ZP3: variants seen among roughly 807,000 people sequenced by gnomAD.
ZP3 encodes zona pellucida glycoprotein 3.
Under a neutral mutation model 35.6 loss-of-function variants are expected in ZP3, and 21 were observed. The ratio of observed to expected loss-of-function variants is 0.59; its 90% confidence interval spans 0.42 to 0.85. The LOEUF (loss-of-function observed/expected upper bound fraction) is 0.85. ZP3 is among the 40% of genes least tolerant of loss of function. The pLI is 0.00. For synonymous variants in ZP3, 207 were observed against 214.5 expected (o/e 0.96, Z 0.31); for missense variants, 437 against 536.5 (o/e 0.81, Z 1.83).
intron 1 of ZP3, among the ~76,000 whole-genome samples, chr7:76,398,307 C>CTT (rs1309414426): frequency 2.3e-5 from 3 of 132,780 alleles, no homozygotes; most frequent in Non-Finnish European, 4.9e-5. Context: ...CATTCATTTT[C>CTT]TATTTTTTTT....
At chr7:76,423,333 G>C (rs1805571189), upstream of ZP3, among the ~76,000 whole-genome samples, 1 of 152,122 alleles carries the variant, frequency 6.6e-6, no homozygotes, top group South Asian at 2.1e-4. Context: ...TTTACATCAG[G>C]GATAGGGCAT....
intron 5 of ZP3, among the ~76,000 whole-genome samples, chr7:76,434,589 G>C (rs1215036346): frequency 1.5e-5 from 2 of 135,532 alleles, no homozygotes. Context: ...AGTGAGCAGA[G>C]ATTGTGCCAC....
chr7:76,415,376 A>AAAAAAT (rs1805344743), intron 1 of ZP3, among the ~76,000 whole-genome samples: 1 of 150,534 alleles, frequency 6.6e-6, no homozygotes, highest in Non-Finnish European at 1.5e-5. Context: ...AAAAAAAAAA[A>AAAAAAT]AAAGGTCTGG....
intron 1 of ZP3, among the ~76,000 whole-genome samples, chr7:76,405,271 TTATATATATATA>T (rs1171830870): frequency 0.045 from 414 of 9,126 alleles, 34 homozygotes; most frequent in African/African-American, 0.091. Context: ...ACCCAGCTAA[TTATATATATATA>T]TATATATATA....
intron 1 of ZP3, chr7:76,397,941 C>T: frequency 2.7e-6 from 3 of 1,124,716 alleles, no homozygotes; most frequent in South Asian, 1.7e-5. Context: ...GGCATCTGCT[C>T]ACCCCGCTGC....
intron 7 of ZP3, 87 bp downstream of exon 7, chr7:76,440,698 C>A: frequency 6.5e-7 from 1 of 1,534,034 alleles, no homozygotes; most frequent in South Asian, 1.3e-5. Context: ...TGGTATTTTC[C>A]CTTGTCCTCC....
chr7:76,423,081 A>AAGAAAGAG, upstream of ZP3, among the ~76,000 whole-genome samples: 1 of 142,458 alleles, frequency 7.0e-6, no homozygotes, highest in Non-Finnish European at 1.5e-5. Context: ...GAAAGAAAGA[A>AAGAAAGAG]AGAAAAGAAA....
At chr7:76,432,311 C>CAGT (rs1805855266) in intron 2 of ZP3, among the ~76,000 whole-genome samples, 1 of 152,046 alleles carries the variant, frequency 6.6e-6, no homozygotes, top group South Asian at 2.1e-4. Context: ...GCCTCAGCCT[C>CAGT]CCAAGTAGCT....
In ZP3 at chr7:76,432,883, G is replaced by C. The variant is rs779378156; in HGVS notation, c.432-44G>C. On this transcript the variant is annotated intron_variant, in intron 2 of 7. Transcript: ENST00000394857. ...TCCCCATCAGTGGGGGCCCAGGTGG[G>C]TGTGACCTGAGGCAGGTGTGCACAG... The C allele has an allele frequency of 2.6e-6, 4 of 1,554,008 alleles. No individual in the cohort carries two copies. The African/African-American group carries it at 4.1e-5, about 16-fold the overall frequency.
intron 2 of ZP3, among the ~76,000 whole-genome samples, chr7:76,430,149 G>T (rs1805784900): frequency 1.3e-5 from 2 of 152,152 alleles, no homozygotes; most frequent in African/African-American, 4.8e-5. Context: ...GGCAGAGGCT[G>T]CAGTGAGCCG....
At chr7:76,411,610 C>T (rs1227783188) in intron 1 of ZP3, among the ~76,000 whole-genome samples, 3 of 151,820 alleles carry the variant, frequency 2.0e-5, no homozygotes, top group Admixed American at 6.6e-5. Flanking sequence ...TGCCACCCAC[C>T]TATGAGAATG....
chr7:76,432,881 G>A (rs756903424), intron 2 of ZP3, 46 bp from the exon 3 acceptor site: 71 of 1,534,510 alleles, frequency 4.6e-5, no homozygotes, highest in Non-Finnish European at 5.8e-5. Flanking sequence ...GGGCCCAGGT[G>A]GGTGTGACCT....
chr7:76,418,871 A>G (rs1425265900), intron 1 of ZP3, among the ~76,000 whole-genome samples: 1 of 152,168 alleles, frequency 6.6e-6, no homozygotes, highest in Non-Finnish European at 1.5e-5. Context: ...ACAAAAGGCC[A>G]AAATAATAAC....
chr7:76,427,575 G>C (rs1002335621), intron 1 of ZP3, among the ~76,000 whole-genome samples: 1 of 151,456 alleles, frequency 6.6e-6, no homozygotes, highest in African/African-American at 2.4e-5. Context: ...AACCTGTGCA[G>C]TTCTGTGGGG....
chr7:76,408,236 T>A (rs976113487), intron 1 of ZP3, among the ~76,000 whole-genome samples: 4 of 152,094 alleles, frequency 2.6e-5, no homozygotes, highest in Admixed American at 2.6e-4. Flanking sequence ...AAAGTCTGGT[T>A]GGGGAGAAGA....
At chr7:76,425,412 A>T in intron 1 of ZP3, 136 bp downstream of exon 1, 1 of 966,024 alleles carries the variant, frequency 1.0e-6, no homozygotes, top group Admixed American at 2.9e-5. Context: ...GGCCCAGTTG[A>T]GGCCTGAAGC....
chr7:76,434,401 A>AG (rs1380684349), intron 5 of ZP3, among the ~76,000 whole-genome samples: 29 of 151,898 alleles, frequency 1.9e-4, no homozygotes, highest in Non-Finnish European at 2.8e-4. Flanking sequence ...TGGGAGGCCG[A>AG]GGGGGGTGGA....
intron 2 of ZP3, among the ~76,000 whole-genome samples, chr7:76,430,667 A>G (rs2115905136): frequency 6.6e-6 from 1 of 152,304 alleles, no homozygotes; most frequent in East Asian, 1.9e-4. Context: ...CCCAGGATGC[A>G]GAGGTTGCAG....
At chr7:76,404,268 G>C (rs374396476) in intron 1 of ZP3, 1 of 1,507,372 alleles carries the variant, frequency 6.6e-7, no homozygotes, top group Non-Finnish European at 8.9e-7. Context: ...CTGAGATTCA[G>C]AAAGAGGAAG....
Sources: allele counts gnomAD v4.1 joint callset (sites outside exome capture counted in the v4.1 genomes callset), GRCh38; gene constraint gnomAD v4.1.1; transcripts MANE v1.5; gene names NCBI Gene and HGNC (gene_info 2026-07-23, HGNC 2026-07-21).